Variants in GPBP1L1 observed in about 807,000 individuals in gnomAD.
The protein encoded by GPBP1L1 is GC-rich promoter binding protein 1 like 1.
A neutral mutation model predicts 52.5 loss-of-function variants in GPBP1L1; 23 were observed. The ratio of observed to expected loss-of-function variants is 0.44; its 90% CI spans 0.32 to 0.62. The LOEUF is 0.62. Ranked by LOEUF, GPBP1L1 falls within the 20% of genes least tolerant of loss-of-function variation. The probability of loss-of-function intolerance (pLI) is 0.06; values close to 1 mark genes in which losing one functional copy is unlikely to be tolerated. For synonymous variants in GPBP1L1, 243 were observed against 203.1 expected, an observed-to-expected ratio of 1.20 and a Z score of -1.67; for missense variants, 596 against 579.3, an observed-to-expected ratio of 1.03 and a Z score of -0.30.
At chr1:45,651,080 T>G (rs1406154329) in intron 6 of GPBP1L1, 1 of 504,366 alleles carries the variant, frequency 2.0e-6, no homozygotes, top group Non-Finnish European at 3.9e-6. Flanking sequence ...AGCTTGGCAA[T>G]GCGAGTCACA....
intron 4 of GPBP1L1, among the ~76,000 whole-genome samples, chr1:45,657,638 G>C (rs1243914865): frequency 6.6e-6 from 1 of 152,166 alleles, no homozygotes; most frequent in Non-Finnish European, 1.5e-5. Flanking sequence ...AGGATCGTTT[G>C]AGGCCAGTTC....
In GPBP1L1 at chr1:45,634,132, T is replaced by C; in HGVS notation, c.849A>G (p.Val283=). Residue 283 remains valine, a synonymous_variant, in exon 9 of 13, where the codon GTA becomes GTG. Transcript: ENST00000355105. Reference sequence around the variant, plus strand: ...AACTCAGAGCTGCACCACTAGCCAGTACCACTGGTTTGGTAACAGAGATTG... The same window carrying C: ...AACTCAGAGCTGCACCACTAGCCAGCACCACTGGTTTGGTAACAGAGATTG... ...TSPISVTKPV[V]LASGAALSSP... is the part of the protein sequence containing the mutation. 6.2e-7 allele frequency: 1 copy of C among 1,614,006 alleles called. No individual in the cohort carries two copies. The highest frequency in any genetic ancestry group is 8.5e-7 in the Non-Finnish European group (1 of 1,179,888).
At chr1:45,647,170 T>C (rs1189714214) in intron 6 of GPBP1L1, among the ~76,000 whole-genome samples, 1 of 151,110 alleles carries the variant, frequency 6.6e-6, no homozygotes, top group African/African-American at 2.4e-5. Context: ...CTTAGGATTT[T>C]TTTTTTTTTT....
chr1:45,640,135 A>G, intron 8 of GPBP1L1, 75 bp downstream of exon 8: 1 of 1,231,790 alleles, frequency 8.1e-7, no homozygotes, highest in Non-Finnish European at 1.2e-6. Flanking sequence ...AAGAAAAAAC[A>G]AATTTATTAA....
chr1:45,662,467 A>C (rs1644958191), intron 2 of GPBP1L1, among the ~76,000 whole-genome samples: 1 of 152,180 alleles, frequency 6.6e-6, no homozygotes, highest in African/African-American at 2.4e-5. Context: ...TTTTGATAGA[A>C]AAGAATTTTT....
At chr1:45,634,264 C>A in intron 8 of GPBP1L1, 28 bp from the exon 9 acceptor site, 2 of 1,578,678 alleles carry the variant, frequency 1.3e-6, no homozygotes, top group South Asian at 1.1e-5. Context: ...ACAAATCAGT[C>A]AGAACAAGCA....
chr1:45,681,320 C>T (rs1435473372), intron 2 of GPBP1L1, among the ~76,000 whole-genome samples: 1 of 152,144 alleles, frequency 6.6e-6, no homozygotes, highest in African/African-American at 2.4e-5. Context: ...TCAATCTAAG[C>T]CTCTATATCC....
rs764656234 is a variant in GPBP1L1, at chr1:45,654,721, G to C, written c.299C>G (p.Ser100Cys). 8.1e-6 allele frequency: 13 copies of C among 1,614,190 alleles called. No homozygotes were observed. In the East Asian group the frequency reaches 2.9e-4, roughly 36 times the overall value. The part of the protein sequence containing the change: ...TGNPSGWHSS[S>C]RGHDGMSQRS... The stretch of plus-strand genomic sequence containing the variant: ...TTGGCTCATGCCATCATGACCTCGG[G>C]AAGAGCTATGCCAACCAGATGGGTT... Residue 100 changes from serine (S) to cysteine (C), a missense_variant, in exon 6 of 13, where the codon TCC becomes TGC. Transcript: ENST00000355105.
chr1:45,655,767 AC>A (rs1269776843), intron 4 of GPBP1L1: 1 of 153,944 alleles, frequency 6.5e-6, no homozygotes, highest in Non-Finnish European at 1.4e-5. Context: ...AGTAGTAATT[AC>A]AGAACTTTTA....
chr1:45,664,268 C>T (rs921325806), intron 2 of GPBP1L1, among the ~76,000 whole-genome samples: 2 of 141,548 alleles, frequency 1.4e-5, no homozygotes, highest in African/African-American at 5.3e-5. Context: ...TGCAGTGAAC[C>T]GAGATCGTTG....
In GPBP1L1 at chr1:45,630,500, G is replaced by A. The variant is rs775584679; in HGVS notation, c.1151C>T (p.Ser384Phe). 1 of 1,613,834 alleles carries A rather than the reference G, an allele frequency of 6.2e-7. No individual in the cohort carries two copies. Among genetic ancestry groups the A allele is most frequent in the African/African-American group, 1.3e-5 (1 of 74,932 alleles). Residue 384 changes from serine (S) to phenylalanine (F), a missense_variant, in exon 11 of 13, where the codon TCT (serine) becomes TTT (phenylalanine). Physicochemically the swap from Ser to Phe is radical, Grantham distance 155. Coordinates refer to ENST00000355105, the MANE Select transcript of GPBP1L1 (RefSeq NM_021639.5). ...VVEEGEVLSH[S>F]LEAEHRLLKA... ...CACTTACCTGTGCTCTGCTTCTAGA[G>A]AGTGTGAGAGAACCTCCCCTTCTTC...
intron 3 of GPBP1L1, 124 bp downstream of exon 3, chr1:45,660,060 T>A (rs1644930663): frequency 2.8e-6 from 1 of 360,460 alleles, no homozygotes; most frequent in South Asian, 1.1e-4. Context: ...TGAGATCTGT[T>A]GGTGTCTTCA....
chr1:45,663,921 G>T (rs998905422), intron 2 of GPBP1L1, among the ~76,000 whole-genome samples: 12 of 151,024 alleles, frequency 7.9e-5, no homozygotes, highest in Admixed American at 2.6e-4. Flanking sequence ...AAAATTCTGA[G>T]AAGAAAAAAC....
intron 2 of GPBP1L1, among the ~76,000 whole-genome samples, chr1:45,666,128 A>G (rs1489019066): frequency 7.0e-6 from 1 of 143,020 alleles, no homozygotes; most frequent in Non-Finnish European, 1.6e-5. Flanking sequence ...TGAAATCTTC[A>G]AACACTTTTT....
intron 2 of GPBP1L1, among the ~76,000 whole-genome samples, chr1:45,665,267 A>G (rs748778261): frequency 4.6e-5 from 7 of 152,040 alleles, no homozygotes; most frequent in Admixed American, 6.6e-5. Flanking sequence ...GGAGACTCTC[A>G]CAAAGAAAAA....
upstream of GPBP1L1, chr1:45,686,886 C>T (rs1645296787): frequency 6.6e-6 from 1 of 152,514 alleles, no homozygotes; most frequent in Non-Finnish European, 1.5e-5. Context: ...TGCCCACTTC[C>T]AGGGCCTGGG....
intron 6 of GPBP1L1, among the ~76,000 whole-genome samples, chr1:45,643,687 T>TTTTTTTTG: frequency 8.6e-6 from 1 of 116,822 alleles, no homozygotes; most frequent in Non-Finnish European, 1.8e-5. Flanking sequence ...TTTTTTTTTT[T>TTTTTTTTG]GTGACAGAGT....
intron 2 of GPBP1L1, among the ~76,000 whole-genome samples, chr1:45,674,058 A>G (rs867308862): frequency 4.7e-5 from 7 of 147,476 alleles, no homozygotes; most frequent in Non-Finnish European, 9.0e-5. Flanking sequence ...AGCCTGTGTG[A>G]AAGAGTGAAA....
chr1:45,649,628 A>G (rs1429665442), intron 6 of GPBP1L1, among the ~76,000 whole-genome samples: 2 of 152,230 alleles, frequency 1.3e-5, no homozygotes, highest in East Asian at 1.9e-4. Flanking sequence ...CAGTGCCATC[A>G]TATCAGGAGG....
Sources: gnomAD v4.1 joint callset for allele counts (sites outside exome capture counted in the v4.1 genomes callset) on GRCh38, gnomAD v4.1.1 for gene constraint, MANE v1.5 for transcripts, NCBI Gene and HGNC (gene_info 2026-07-23, HGNC 2026-07-21) for gene names.